Variants in SAR1A observed in about 807,000 individuals in gnomAD.
The protein encoded by SAR1A is small COPII coat GTPase SAR1A.
A neutral mutation model predicts 22.6 loss-of-function variants in SAR1A; 6 were observed. The ratio of observed to expected loss-of-function variants is 0.27; its 90% confidence interval spans 0.15 to 0.52. The LOEUF is 0.52. Among genes scored for constraint, SAR1A ranks in the 20% least tolerant of loss-of-function variants. The pLI is 0.96. For missense variants in SAR1A, 145 were observed against 245.1 expected, an observed-to-expected ratio of 0.59 and a Z score of 2.73; for synonymous variants, 70 against 82.2, an observed-to-expected ratio of 0.85 and a Z score of 0.80.
At chr10:70,153,609 C>T (rs1042474249) in intron 6 of SAR1A, among the ~76,000 whole-genome samples, 1 of 152,184 alleles carries the variant, frequency 6.6e-6, no homozygotes, top group Non-Finnish European at 1.5e-5. Flanking sequence ...AAGAGTAAAT[C>T]TGCCTTTTCT....
chr10:70,161,125 A>C, intron 3 of SAR1A, 56 bp from the exon 4 acceptor site: 1 of 1,242,778 alleles, frequency 8.0e-7, no homozygotes, highest in East Asian at 2.3e-5. Flanking sequence ...ACCCCCAACT[A>C]CTAGTACTAT....
At chr10:70,153,782 C>G in intron 6 of SAR1A, 56 bp downstream of exon 6, 2 of 1,418,344 alleles carry the variant, frequency 1.4e-6, no homozygotes, top group Non-Finnish European at 1.9e-6. Context: ...AGCGAAACAT[C>G]ATGTTTTAAA....
At chr10:70,164,446 G>C (rs1398757052) in intron 1 of SAR1A, among the ~76,000 whole-genome samples, 2 of 152,148 alleles carry the variant, frequency 1.3e-5, no homozygotes, top group African/African-American at 4.8e-5. Context: ...TTTTCTTTAG[G>C]AACTGTCAGC....
intron 1 of SAR1A, among the ~76,000 whole-genome samples, chr10:70,168,121 T>C (rs537366475): frequency 3.9e-5 from 6 of 152,318 alleles, no homozygotes; most frequent in Non-Finnish European, 8.8e-5. Context: ...CAGATCATTT[T>C]GGAGGGAAGA....
intron 1 of SAR1A, chr10:70,163,672 T>C (rs1055689631): frequency 4.0e-6 from 3 of 756,362 alleles, no homozygotes; most frequent in African/African-American, 1.7e-5. Flanking sequence ...CGGAAACCAG[T>C]AGCACTTGCA....
intron 1 of SAR1A, among the ~76,000 whole-genome samples, chr10:70,169,278 A>C (rs1247280472): frequency 2.0e-5 from 3 of 152,160 alleles, no homozygotes; most frequent in Non-Finnish European, 2.9e-5. Flanking sequence ...AAAAAAAAAA[A>C]AACTAAAACT....
At chr10:70,160,324 G>A (rs1839452351) in intron 4 of SAR1A, among the ~76,000 whole-genome samples, 1 of 151,928 alleles carries the variant, frequency 6.6e-6, no homozygotes, top group Non-Finnish European at 1.5e-5. Flanking sequence ...AAGAGTAAAG[G>A]GGCATGATAT....
chr10:70,159,392 A>G (rs1172751982), intron 4 of SAR1A, among the ~76,000 whole-genome samples: 2 of 152,214 alleles, frequency 1.3e-5, no homozygotes, highest in African/African-American at 4.8e-5. Flanking sequence ...TTTACTATAC[A>G]TTTTTTAAAA....
chr10:70,156,279 G>C (rs992344549), intron 5 of SAR1A, among the ~76,000 whole-genome samples: 4 of 152,178 alleles, frequency 2.6e-5, no homozygotes, highest in Non-Finnish European at 1.5e-5. Context: ...AACATTTAAG[G>C]ACTAACCAGA....
At chr10:70,160,698 T>G (rs1019244659) in intron 4 of SAR1A, among the ~76,000 whole-genome samples, 4 of 152,132 alleles carry the variant, frequency 2.6e-5, no homozygotes, top group African/African-American at 9.7e-5. Context: ...AAGATTTGAG[T>G]TGAGTTTGGC....
At chr10:70,165,050 G>A (rs1237610793) in intron 1 of SAR1A, among the ~76,000 whole-genome samples, 2 of 152,034 alleles carry the variant, frequency 1.3e-5, no homozygotes, top group African/African-American at 4.8e-5. Flanking sequence ...CGGATCACGA[G>A]GTCAGGAGAT....
At chr10:70,160,772 T>C (rs1445518409) in intron 4 of SAR1A, among the ~76,000 whole-genome samples, 3 of 152,176 alleles carry the variant, frequency 2.0e-5, no homozygotes, top group African/African-American at 4.8e-5. Flanking sequence ...TTATCCCAGC[T>C]CAATAGGGTA....
At chr10:70,157,401 C>CAAAAAAAAA (rs55801259) in intron 5 of SAR1A, among the ~76,000 whole-genome samples, 1 of 131,240 alleles carries the variant, frequency 7.6e-6, no homozygotes, top group African/African-American at 3.0e-5. Flanking sequence ...AAGACTCCGT[C>CAAAAAAAAA]AAAAAAAAAA....
At chr10:70,162,032 C>A (rs1253607685) in intron 1 of SAR1A, 101 bp from the exon 2 acceptor site, 2 of 844,432 alleles carry the variant, frequency 2.4e-6, no homozygotes, top group African/African-American at 3.4e-5. Flanking sequence ...CATTTATAGT[C>A]TCTTGTTTTC....
At chr10:70,158,045 G>A (rs1412137183) in intron 4 of SAR1A, among the ~76,000 whole-genome samples, 178 bp from the exon 5 acceptor site, 1 of 152,234 alleles carries the variant, frequency 6.6e-6, no homozygotes, top group African/African-American at 2.4e-5. Flanking sequence ...GATGGTCCAT[G>A]AGCTGAACCT....
At chr10:70,166,314 C>T (rs1002874245) in intron 1 of SAR1A, among the ~76,000 whole-genome samples, 5 of 152,304 alleles carry the variant, frequency 3.3e-5, no homozygotes, top group East Asian at 1.9e-4. Flanking sequence ...CCTAGACATA[C>T]GACTGCTGTC....
rs1325679288 is a variant in SAR1A at position 70,151,512 on chromosome 10, C to T, written c.*964G>A. 2.0e-5 allele frequency: 3 copies of T among 152,412 alleles called. No individual in the cohort carries two copies. Among genetic ancestry groups the T allele is most frequent in the African/African-American group, 4.8e-5 (2 of 41,430 alleles). The allele number at this position is 152,412 out of a possible 1,614,324, so 9.4% of individuals were successfully genotyped here. On this transcript the variant is annotated 3_prime_UTR_variant, in exon 7 of 7. Coordinates refer to ENST00000373241, the MANE Select transcript of SAR1A (RefSeq NM_020150.5). The stretch of plus-strand genomic sequence containing the variant: ...GAGCCCTTAAGCTGTTAACTTTGTC[C>T]TGTCTTCCTATTCAGAAAAATGTCC...
intron 1 of SAR1A, among the ~76,000 whole-genome samples, chr10:70,165,413 G>A (rs1489228505): frequency 1.3e-5 from 2 of 152,168 alleles, no homozygotes; most frequent in African/African-American, 4.8e-5. Flanking sequence ...TATGATTCAC[G>A]GGAAGAGGTC....
At chr10:70,154,980 T>C (rs1839369365) in intron 5 of SAR1A, 1 of 428,032 alleles carries the variant, frequency 2.3e-6, no homozygotes, top group Non-Finnish European at 4.8e-6. Context: ...AACAACGGCT[T>C]TGCATTAGGA....
Sources: gnomAD v4.1 joint callset for allele counts (sites outside exome capture counted in the v4.1 genomes callset) on GRCh38, gnomAD v4.1.1 for gene constraint, MANE v1.5 for transcripts, NCBI Gene and HGNC (gene_info 2026-07-23, HGNC 2026-07-21) for gene names.